Variants in PARD3 observed in about 807,000 individuals in gnomAD.
The protein encoded by PARD3 is par-3 family cell polarity regulator.
In PARD3, 75 loss-of-function variants were observed where a neutral mutation model predicts 155.4. The ratio of observed to expected loss-of-function variants is 0.48; its 90% CI spans 0.40 to 0.58. The LOEUF (loss-of-function observed/expected upper bound fraction) is 0.58, where lower values mean the gene tolerates loss of function less well. Ranked by LOEUF, PARD3 falls within the 20% of genes least tolerant of loss-of-function variation. PARD3 has a pLI of 0.00. For missense variants in PARD3, 1,642 were observed against 1,721.7 expected, an observed-to-expected ratio of 0.95 and a Z score of 0.82; for synonymous variants, 576 against 610.5, an observed-to-expected ratio of 0.94 and a Z score of 0.83.
intron 2 of PARD3, among the ~76,000 whole-genome samples, chr10:34,582,936 T>C (rs1292803082): frequency 6.6e-6 from 1 of 152,230 alleles, no homozygotes; most frequent in Non-Finnish European, 1.5e-5. Context: ...GCAGCTACCC[T>C]GAACCATGAG....
intron 5 of PARD3, among the ~76,000 whole-genome samples, chr10:34,449,856 C>T (rs1040882852): frequency 6.6e-6 from 1 of 152,174 alleles, no homozygotes; most frequent in Non-Finnish European, 1.5e-5. Context: ...AGTGCCCAAA[C>T]ATGACAAAAT....
At position 34,345,520 on chromosome 10, in the gene PARD3, C is replaced by G. The variant is rs1180944252; in HGVS notation, c.2218+2445G>C. 5 of 985,310 alleles carry G rather than the reference C, an allele frequency of 5.1e-6. No homozygotes were observed. In the East Asian group the frequency reaches 5.7e-4, roughly 112 times the overall value. The allele number at this position is 985,310 out of a possible 1,614,324, so 61.0% of individuals were successfully genotyped here. On this transcript the variant is annotated intron_variant, in intron 15 of 24. Transcript: ENST00000374788. ...ATGTCTACAAAGGAGTGATTCCAAA[C>G]ATATAGAAGACAATCATTAACCAAA...
chr10:34,254,167 A>G (rs1209671864), intron 22 of PARD3, among the ~76,000 whole-genome samples: 3 of 152,132 alleles, frequency 2.0e-5, no homozygotes, highest in Non-Finnish European at 4.4e-5. Context: ...GGATCACAAG[A>G]TCAGGCGTTC....
At chr10:34,693,359 T>A (rs1487459330) in intron 2 of PARD3, among the ~76,000 whole-genome samples, 1 of 152,166 alleles carries the variant, frequency 6.6e-6, no homozygotes, top group South Asian at 2.1e-4. Flanking sequence ...TAAATATCTT[T>A]CAGTGGTAGA....
intron 2 of PARD3, among the ~76,000 whole-genome samples, chr10:34,620,146 G>A (rs1193954776): frequency 6.6e-6 from 1 of 152,184 alleles, no homozygotes; most frequent in African/African-American, 2.4e-5. Flanking sequence ...CCACTGGCAT[G>A]TGGTATAATC....
At chr10:34,270,292 A>G (rs1955552994) in intron 21 of PARD3, among the ~76,000 whole-genome samples, 1 of 151,886 alleles carries the variant, frequency 6.6e-6, no homozygotes, top group Admixed American at 6.6e-5. Context: ...ACACGTGTGC[A>G]CCACCACGCC....
intron 3 of PARD3, among the ~76,000 whole-genome samples, chr10:34,503,612 C>G (rs1172210015): frequency 6.6e-6 from 1 of 152,098 alleles, no homozygotes; most frequent in Non-Finnish European, 1.5e-5. Context: ...GAAAAAGAGG[C>G]TTTGTGTGAT....
At chr10:34,519,888 T>C (rs1157944280) in intron 2 of PARD3, among the ~76,000 whole-genome samples, 3 of 98,620 alleles carry the variant, frequency 3.0e-5, no homozygotes, top group Non-Finnish European at 6.7e-5. Flanking sequence ...AACATAAAAA[T>C]AGAAAATAAA....
At chr10:34,545,047 T>C (rs998543027) in intron 2 of PARD3, among the ~76,000 whole-genome samples, 6 of 152,222 alleles carry the variant, frequency 3.9e-5, no homozygotes, top group African/African-American at 1.4e-4. Flanking sequence ...AGACATAATT[T>C]CAGTCTTCTA....
chr10:34,220,226 C>G (rs1952206251), intron 22 of PARD3, among the ~76,000 whole-genome samples: 1 of 152,038 alleles, frequency 6.6e-6, no homozygotes, highest in African/African-American at 2.4e-5. Flanking sequence ...AGCACAGAAA[C>G]ACCTGATTAA....
rs1028277716 is a variant in PARD3 at position 34,182,274 on chromosome 10, A to G, written c.3420-50691T>C. Among the ~76,000 whole-genome samples, 5 of 152,224 alleles carry G rather than the reference A, an allele frequency of 3.3e-5. No individual in the cohort carries two copies. The South Asian group carries it at 8.3e-4, about 25-fold the overall frequency. ...GGGCCTCATTAGCATCATCTGTCCT[A>G]GAGTTCAAAATACTTGAAGAGAAAT... On this transcript the variant is annotated intron_variant, in intron 22 of 24. Coordinates refer to ENST00000374788, the MANE Select transcript of PARD3 (RefSeq NM_001184785.2).
At chr10:34,680,110 TA>T (rs1399976497) in intron 2 of PARD3, among the ~76,000 whole-genome samples, 1 of 151,794 alleles carries the variant, frequency 6.6e-6, no homozygotes, top group Non-Finnish European at 1.5e-5. Flanking sequence ...TTAAAGAAAA[TA>T]AAACATGAGA....
At chr10:34,576,066 T>C (rs1014745406) in intron 2 of PARD3, among the ~76,000 whole-genome samples, 3 of 152,210 alleles carry the variant, frequency 2.0e-5, no homozygotes, top group African/African-American at 7.2e-5. Flanking sequence ...AATGGTTATG[T>C]GCAGTCTTGA....
Position 34,347,948 on chromosome 10 carries a change from A to G in PARD3, c.2218+17T>C, listed in dbSNP as rs761633251. ...CATCAAAATAAGATGTGATAAACAGAGTTTTACCTGACTCACCCATTATCC... is the reference window on the plus strand; with the variant it reads ...CATCAAAATAAGATGTGATAAACAGGGTTTTACCTGACTCACCCATTATCC... On this transcript the variant is annotated intron_variant, in intron 15 of 24. Coordinates refer to ENST00000374788, the MANE Select transcript of PARD3 (RefSeq NM_001184785.2). 5.0e-6 allele frequency: 8 copies of G among 1,602,088 alleles called. No individual in the cohort carries two copies. The East Asian group carries it at 1.6e-4, about 31-fold the overall frequency.
chr10:34,741,500 A>G (rs1443513404), intron 1 of PARD3, among the ~76,000 whole-genome samples: 3 of 152,152 alleles, frequency 2.0e-5, no homozygotes, highest in Non-Finnish European at 2.9e-5. Context: ...TTATTTATAA[A>G]AAGAAAATTC....
chr10:34,131,810 TA>T (rs575971597), intron 22 of PARD3, among the ~76,000 whole-genome samples: 58 of 137,866 alleles, frequency 4.2e-4, no homozygotes, highest in African/African-American at 1.5e-3. Context: ...TATTTTTAGA[TA>T]TTCTTTTTTT....
At position 34,517,045 on chromosome 10, in the gene PARD3, CATT is replaced by C; in HGVS notation, c.334_336del (p.Asn112del). On this transcript the variant is annotated inframe_deletion, in exon 3 of 25. Coordinates refer to ENST00000374788, the MANE Select transcript of PARD3 (RefSeq NM_001184785.2). ...GCTTGGTAAGGCTGAAAGGCTGAGA[CATT>C]GTTGGTGCCAAGCTCACTACCAAAT... The C allele has an allele frequency of 6.2e-7, 1 of 1,614,200 alleles. No individual in the cohort carries two copies.
chr10:34,148,237 A>T (rs1338312365), intron 22 of PARD3, among the ~76,000 whole-genome samples: 1 of 152,192 alleles, frequency 6.6e-6, no homozygotes, highest in East Asian at 1.9e-4. Flanking sequence ...CTTGAGCTGG[A>T]AAAGAAAAGC....
At chr10:34,619,239 C>T (rs1336603917) in intron 2 of PARD3, among the ~76,000 whole-genome samples, 2 of 151,890 alleles carry the variant, frequency 1.3e-5, no homozygotes, top group South Asian at 2.1e-4. Flanking sequence ...TTGGTAGAGA[C>T]GGGGTTTCAC....
Sources: allele counts gnomAD v4.1 joint callset (sites outside exome capture counted in the v4.1 genomes callset), GRCh38; gene constraint gnomAD v4.1.1; transcripts MANE v1.5; gene names NCBI Gene and HGNC (gene_info 2026-07-23, HGNC 2026-07-21).